The following PDGFC variants were observed in gnomAD, a reference collection of about 807,000 sequenced individuals.
PDGFC encodes the protein platelet derived growth factor C.
PDGFC carries 12 observed loss-of-function variants against 35.5 expected under a neutral mutation model. That is an observed-to-expected ratio of 0.34 (90% CI 0.22 to 0.55). The LOEUF (loss-of-function observed/expected upper bound fraction) is 0.55. Ranked by LOEUF, PDGFC falls within the 20% of genes least tolerant of loss-of-function variation. The probability of loss-of-function intolerance (pLI) is 0.91; values close to 1 mark genes in which losing one functional copy is unlikely to be tolerated. For synonymous variants in PDGFC, 159 were observed against 148.8 expected (o/e 1.07, Z -0.50); for missense variants, 322 against 412.4 (o/e 0.78, Z 1.90).
chr4:156,886,949 G>C (rs1730390610), intron 1 of PDGFC: 1 of 152,126 alleles, frequency 6.6e-6, no homozygotes, highest in Non-Finnish European at 1.5e-5. Context: ...CAATATTTAA[G>C]CTATGATTTG....
intron 2 of PDGFC, among the ~76,000 whole-genome samples, chr4:156,835,072 T>C (rs1729030576): frequency 6.6e-6 from 1 of 152,120 alleles, no homozygotes; most frequent in Non-Finnish European, 1.5e-5. Flanking sequence ...TTAGATGAGG[T>C]GTGGGATAGG....
At chr4:156,817,679 T>A (rs1428861809) in intron 2 of PDGFC, among the ~76,000 whole-genome samples, 5 of 151,704 alleles carry the variant, frequency 3.3e-5, no homozygotes, top group Admixed American at 3.3e-4. Flanking sequence ...GAGTTCTATT[T>A]AACTCTAAAA....
At chr4:156,877,659 AG>A (rs1358258815) in intron 1 of PDGFC, among the ~76,000 whole-genome samples, 2 of 147,872 alleles carry the variant, frequency 1.4e-5, no homozygotes, top group African/African-American at 5.4e-5. Flanking sequence ...CAGGAAGTGA[AG>A]CAAAATATAC....
chr4:156,820,153 G>A (rs1260270416), intron 2 of PDGFC, among the ~76,000 whole-genome samples: 1 of 152,164 alleles, frequency 6.6e-6, no homozygotes, highest in Non-Finnish European at 1.5e-5. Context: ...AATTTTTCCT[G>A]GTGAAGATGC....
chr4:156,879,302 T>C (rs1730187805), intron 1 of PDGFC, among the ~76,000 whole-genome samples: 1 of 152,208 alleles, frequency 6.6e-6, no homozygotes, highest in Non-Finnish European at 1.5e-5. Flanking sequence ...AAGACTCGTT[T>C]CACACTCATA....
chr4:156,865,400 GA>G (rs1322556849), intron 1 of PDGFC, among the ~76,000 whole-genome samples: 6 of 151,996 alleles, frequency 3.9e-5, no homozygotes, highest in African/African-American at 1.4e-4. Context: ...CTTTTCTGGA[GA>G]AATTTAAAAA....
chr4:156,870,530 A>G (rs1729955775), intron 1 of PDGFC, among the ~76,000 whole-genome samples: 1 of 152,128 alleles, frequency 6.6e-6, no homozygotes, highest in South Asian at 2.1e-4. Flanking sequence ...ACTCTTCTCT[A>G]TAATTCCTGA....
chr4:156,965,398 G>A (rs1732441815), intron 1 of PDGFC, among the ~76,000 whole-genome samples: 2 of 152,012 alleles, frequency 1.3e-5, no homozygotes, highest in Admixed American at 1.3e-4. Context: ...GTGGGGGTGA[G>A]GGATGTTGGT....
intron 1 of PDGFC, among the ~76,000 whole-genome samples, chr4:156,903,147 A>G (rs1001391945): frequency 6.7e-6 from 1 of 150,348 alleles, no homozygotes; most frequent in Admixed American, 6.6e-5. Flanking sequence ...ACTAGATCAC[A>G]TATGTATTAC....
intron 2 of PDGFC, among the ~76,000 whole-genome samples, chr4:156,838,563 A>G (rs1048212250): frequency 6.6e-6 from 1 of 152,202 alleles, no homozygotes; most frequent in Non-Finnish European, 1.5e-5. Flanking sequence ...AGTAGAATGC[A>G]AATCTATACA....
At chr4:156,790,587 G>A (rs567415379) in intron 3 of PDGFC, among the ~76,000 whole-genome samples, 2 of 152,150 alleles carry the variant, frequency 1.3e-5, no homozygotes, top group Non-Finnish European at 2.9e-5. Context: ...AACAACACAA[G>A]ACAATCTTCC....
At chr4:156,884,448 A>C (rs1579076360) in intron 1 of PDGFC, among the ~76,000 whole-genome samples, 1 of 152,198 alleles carries the variant, frequency 6.6e-6, no homozygotes, top group South Asian at 2.1e-4. Context: ...GCTACATTTT[A>C]CCAGCCTGAA....
At chr4:156,959,183 T>A (rs541705417) in intron 1 of PDGFC, among the ~76,000 whole-genome samples, 4 of 152,168 alleles carry the variant, frequency 2.6e-5, no homozygotes, top group South Asian at 2.1e-4. Context: ...TAAATGCAAT[T>A]GCCCAGAATT....
chr4:156,924,272 C>A (rs544336470), intron 1 of PDGFC, among the ~76,000 whole-genome samples: 1 of 152,266 alleles, frequency 6.6e-6, no homozygotes, highest in African/African-American at 2.4e-5. Context: ...GAAATCAGGT[C>A]CTTTTATTCT....
chr4:156,863,034 A>G (rs1039396043), intron 1 of PDGFC, among the ~76,000 whole-genome samples: 7 of 152,218 alleles, frequency 4.6e-5, no homozygotes, highest in Middle Eastern at 3.4e-3. Flanking sequence ...TTCCGATTAC[A>G]AAAAACCTTC....
chr4:156,794,241 A>G (rs1731379363), intron 3 of PDGFC, among the ~76,000 whole-genome samples: 3 of 152,282 alleles, frequency 2.0e-5, no homozygotes, highest in East Asian at 1.9e-4. Context: ...ACATTCAACC[A>G]TCTTTCTCCT....
In PDGFC at chr4:156,762,911, T is replaced by C. The variant is rs1397222615; in HGVS notation, c.*179A>G. On this transcript the variant is annotated 3_prime_UTR_variant, in exon 6 of 6. Transcript: ENST00000502773. ...TTTAGGCCTCCTCTCAAAAGAGCTG[T>C]TGCACAACTCCTAATTCTGTTTGAT... The C allele has an allele frequency of 5.8e-6, 3 of 520,592 alleles. No homozygotes were observed. The highest frequency in any genetic ancestry group is 6.9e-6 in the Non-Finnish European group (2 of 288,118). The allele number at this position is 520,592 out of a possible 1,614,324, so 32.2% of individuals were successfully genotyped here.
At chr4:156,937,655 C>T (rs1292961474) in intron 1 of PDGFC, among the ~76,000 whole-genome samples, 1 of 152,072 alleles carries the variant, frequency 6.6e-6, no homozygotes, top group Non-Finnish European at 1.5e-5. Flanking sequence ...GAGCTGTGAT[C>T]GTGCTACTGC....
At chr4:156,859,684 G>GTGA (rs1729663599) in intron 1 of PDGFC, among the ~76,000 whole-genome samples, 1 of 152,054 alleles carries the variant, frequency 6.6e-6, no homozygotes, top group Non-Finnish European at 1.5e-5. Flanking sequence ...CAATCTTAAA[G>GTGA]TGATGTAAAA....
Sources: allele counts gnomAD v4.1 joint callset (sites outside exome capture counted in the v4.1 genomes callset), GRCh38; gene constraint gnomAD v4.1.1; transcripts MANE v1.5; gene names NCBI Gene and HGNC (gene_info 2026-07-23, HGNC 2026-07-21).